The following NDUFA10 variants were observed in gnomAD, a reference collection of about 807,000 sequenced individuals.
NDUFA10 encodes NADH dehydrogenase [ubiquinone] 1 alpha subcomplex subunit 10, mitochondrial.
A neutral mutation model predicts 47.8 loss-of-function variants in NDUFA10; 40 were observed. The ratio of observed to expected loss-of-function variants is 0.84; its 90% CI spans 0.65 to 1.09. NDUFA10 has a LOEUF of 1.09. Ranked by LOEUF, NDUFA10 falls within the 50% of genes least tolerant of loss-of-function variation. The probability of loss-of-function intolerance (pLI) is 0.00; values close to 1 mark genes in which losing one functional copy is unlikely to be tolerated. For synonymous variants in NDUFA10, 183 were observed against 172.2 expected (o/e 1.06, Z -0.49); for missense variants, 413 against 451.1 (o/e 0.92, Z 0.76).
intron 9 of NDUFA10, among the ~76,000 whole-genome samples, chr2:239,984,261 CAGTA>C (rs1350703441): frequency 1.3e-5 from 2 of 151,410 alleles, no homozygotes; most frequent in Non-Finnish European, 2.9e-5. Context: ...AACAAAAACC[CAGTA>C]AGTATTATTA....
intron 8 of NDUFA10, among the ~76,000 whole-genome samples, chr2:239,994,706 G>A (rs1696396534): frequency 6.6e-6 from 1 of 152,126 alleles, no homozygotes; most frequent in Non-Finnish European, 1.5e-5. Flanking sequence ...CGCTGCAATA[G>A]AGCAGTTTAA....
Position 239,906,371 on chromosome 2 carries a change from C to T in NDUFA10, c.295-11057G>A, listed in dbSNP as rs1179905808. Among the ~76,000 whole-genome samples the T allele has an allele frequency of 6.6e-6, 1 of 152,192 alleles. No individual in the cohort carries two copies. Among genetic ancestry groups the T allele is most frequent in the Admixed American group, 6.5e-5 (1 of 15,284 alleles). On this transcript the variant is annotated intron_variant, in intron 4 of 5. Coordinates refer to the NDUFA10 transcript ENST00000419408. This position sits in a 1 kb window ranked among gnomAD's most constrained non-coding sequence, Gnocchi z 4.3. The stretch of plus-strand genomic sequence containing the variant: ...GACGCCGAGGCCATTTTCTGGGATA[C>T]TCAGGGCACCTTCACCTCAGCACCC...
chr2:239,903,862 GTCCCACAGCTC>G (rs1693598086), intron 4 of NDUFA10, among the ~76,000 whole-genome samples: 1 of 152,218 alleles, frequency 6.6e-6, no homozygotes, highest in Non-Finnish European at 1.5e-5. Context: ...GGTAGAGAAG[GTCCCACAGCTC>G]TTCCATGCAG....
chr2:240,010,565 T>C (rs1697100527), intron 6 of NDUFA10, among the ~76,000 whole-genome samples: 2 of 152,118 alleles, frequency 1.3e-5, no homozygotes, highest in Admixed American at 6.5e-5. Context: ...CTTGGTATTG[T>C]GGCCTTGGAA....
chr2:239,961,852 G>C (rs905840055), intron 9 of NDUFA10, among the ~76,000 whole-genome samples: 1 of 152,220 alleles, frequency 6.6e-6, no homozygotes, highest in Non-Finnish European at 1.5e-5. Flanking sequence ...GAGGCCAGTG[G>C]GGGGCTGAGC....
chr2:239,926,106 A>C (rs1335863718), intron 4 of NDUFA10, among the ~76,000 whole-genome samples: 3 of 152,316 alleles, frequency 2.0e-5, no homozygotes, highest in Non-Finnish European at 4.4e-5. Flanking sequence ...AATTAAACAT[A>C]CACTTACCCT....
At chr2:240,019,432 C>T (rs1574898446) in intron 3 of NDUFA10, among the ~76,000 whole-genome samples, 1 of 151,926 alleles carries the variant, frequency 6.6e-6, no homozygotes, top group Non-Finnish European at 1.5e-5. Flanking sequence ...TACTATAGCA[C>T]CAAAAAAAGC....
At chr2:239,977,565 CCAGTCAAGA>C (rs1192118308) in intron 9 of NDUFA10, among the ~76,000 whole-genome samples, 20 of 152,322 alleles carry the variant, frequency 1.3e-4, no homozygotes, top group African/African-American at 4.8e-4. Context: ...CCCTTAAAGG[CCAGTCAAGA>C]CATCTCCAAA....
chr2:239,936,164 T>C (rs1404258546), intron 4 of NDUFA10, among the ~76,000 whole-genome samples: 2 of 152,168 alleles, frequency 1.3e-5, no homozygotes, highest in East Asian at 1.9e-4. Flanking sequence ...ACAGTGACTG[T>C]TGGTCAGGCC....
chr2:239,996,410 G>T (rs551377402), intron 8 of NDUFA10, among the ~76,000 whole-genome samples: 33 of 152,312 alleles, frequency 2.2e-4, no homozygotes, highest in Non-Finnish European at 4.3e-4. Flanking sequence ...CTACATGCCT[G>T]GAGATTAAAC....
intron 4 of NDUFA10, among the ~76,000 whole-genome samples, chr2:239,907,009 T>C (rs574374477): frequency 2.6e-5 from 4 of 152,288 alleles, no homozygotes; most frequent in African/African-American, 7.2e-5. Context: ...CTTCAAACTA[T>C]ACTACAAGGC....
intron 4 of NDUFA10, among the ~76,000 whole-genome samples, chr2:239,930,954 G>C (rs530672856): frequency 1.0e-4 from 15 of 150,080 alleles, no homozygotes; most frequent in African/African-American, 3.2e-4. Context: ...TGCCCAGGAG[G>C]GGGGGCAGGG....
Position 239,899,456 on chromosome 2 carries a change from AG to A in NDUFA10, c.295-4143del, listed in dbSNP as rs1243341967. On this transcript the variant is annotated intron_variant, in intron 4 of 5. Coordinates refer to the NDUFA10 transcript ENST00000419408. ...GGAGGAATGTGGAGGGTTGTGATGG[AG>A]GGGTGTGACGGAGGGGTGTGATGGA... 5.6e-5 allele frequency among the ~76,000 whole-genome samples: 8 copies of A among 141,968 alleles called. 2 individuals are homozygous for A. Among genetic ancestry groups the A allele is most frequent in the Non-Finnish European group, 1.3e-4 (8 of 63,828 alleles). The allele number at this position is 141,968 out of a possible 152,430, so 93.1% of individuals were successfully genotyped here.
At chr2:239,998,646 G>T (rs537202662) in intron 8 of NDUFA10, among the ~76,000 whole-genome samples, 1 of 152,308 alleles carries the variant, frequency 6.6e-6, no homozygotes, top group African/African-American at 2.4e-5. Flanking sequence ...TTCTTTCTGG[G>T]AGTCTGGAAC....
intron 8 of NDUFA10, among the ~76,000 whole-genome samples, chr2:240,000,004 C>G (rs1030858087): frequency 6.6e-6 from 1 of 152,200 alleles, no homozygotes; most frequent in Non-Finnish European, 1.5e-5. Flanking sequence ...CGCATGACTC[C>G]CGTGTCTGCG....
At chr2:239,895,879 A>C (rs1693385657) in intron 4 of NDUFA10, among the ~76,000 whole-genome samples, 1 of 152,252 alleles carries the variant, frequency 6.6e-6, no homozygotes, top group Non-Finnish European at 1.5e-5. Context: ...ACTGGTGAAA[A>C]TGGAAGAACT....
chr2:239,952,246 AG>A (rs1440995453), intron 4 of NDUFA10, among the ~76,000 whole-genome samples: 1 of 19,572 alleles, frequency 5.1e-5, no homozygotes, highest in African/African-American at 2.1e-4. Flanking sequence ...GGGCGCAGGG[AG>A]GGGGCTGGCA....
At chr2:239,914,802 AT>A (rs1362130253) in intron 4 of NDUFA10, among the ~76,000 whole-genome samples, 1 of 148,534 alleles carries the variant, frequency 6.7e-6, no homozygotes, top group Non-Finnish European at 1.5e-5. Context: ...ACAGATACAC[AT>A]ACACACACAG....
At chr2:239,964,307 A>C (rs1480490625) in intron 9 of NDUFA10, among the ~76,000 whole-genome samples, 1 of 152,150 alleles carries the variant, frequency 6.6e-6, no homozygotes, top group Non-Finnish European at 1.5e-5. Context: ...CAACAGCCAC[A>C]GTAATGTGGG....
Sources: gnomAD v4.1 joint callset for allele counts (sites outside exome capture counted in the v4.1 genomes callset) on GRCh38, gnomAD v4.1.1 for gene constraint, Gnocchi (gnomAD v3.1) non-coding constraint, MANE v1.5 for transcripts, NCBI Gene and HGNC (gene_info 2026-07-23, HGNC 2026-07-21) for gene names.